The following PRKAG3 variants were observed in gnomAD, a reference collection of about 807,000 sequenced individuals.
PRKAG3 encodes protein kinase AMP-activated non-catalytic subunit gamma 3, also known as 5'-AMP-activated protein kinase subunit gamma-3.
A neutral mutation model predicts 56.5 loss-of-function variants in PRKAG3; 39 were observed. The ratio of observed to expected loss-of-function variants is 0.69; its 90% CI spans 0.53 to 0.90. The LOEUF (loss-of-function observed/expected upper bound fraction) is 0.90, where lower values mean the gene tolerates loss of function less well. Among genes scored for constraint, PRKAG3 ranks in the 40% least tolerant of loss-of-function variants. The pLI, the probability that PRKAG3 is intolerant of heterozygous loss-of-function variation, is 0.00. For missense variants in PRKAG3, 628 were observed against 627.5 expected, an observed-to-expected ratio of 1.00 and a Z score of -0.01; for synonymous variants, 243 against 250.1, an observed-to-expected ratio of 0.97 and a Z score of 0.27.
chr2:218,831,598 T>G, intron 1 of PRKAG3, 140 bp downstream of exon 1: 1 of 1,181,984 alleles, frequency 8.5e-7, no homozygotes, highest in Admixed American at 2.0e-5. Flanking sequence ...TGCCCAAACA[T>G]GCACATGCCC....
chr2:218,831,438 C>T, intron 1 of PRKAG3, 63 bp from the exon 2 acceptor site: 1 of 1,432,788 alleles, frequency 7.0e-7, no homozygotes, highest in East Asian at 2.4e-5. Flanking sequence ...ACCCCTTCTC[C>T]CTGAACACAC....
chr2:218,829,931 C>T (rs760278724), intron 4 of PRKAG3, 47 bp downstream of exon 4: 5 of 1,579,352 alleles, frequency 3.2e-6, no homozygotes, highest in Admixed American at 3.5e-5. Flanking sequence ...GCTGCAGCAC[C>T]GTGTGGATGG....
exon 3 of PRKAG3, chr2:218,830,818 G>A (rs768743452): frequency 7.4e-6 from 12 of 1,613,478 alleles, no homozygotes; most frequent in East Asian, 4.5e-5. Context: ...TTGGCCCTCC[G>A]TTTCCCACGG....
At position 218,827,912 on chromosome 2, in the gene PRKAG3, A is replaced by G; in HGVS notation, c.775-34T>C. 2 of 1,613,124 alleles carry G rather than the reference A, an allele frequency of 1.2e-6. No homozygotes were observed. The highest frequency in any genetic ancestry group is 8.5e-7 in the Non-Finnish European group (1 of 1,179,258). ...ATCGACAGGACTCCAGAAGTCAGAA[A>G]GACGTGGGCTTCTAGGGCACCAGGC... is the stretch of plus-strand genomic sequence containing the variant. On this transcript the variant is annotated intron_variant, in intron 6 of 12. Coordinates refer to ENST00000529249, the Ensembl canonical transcript of PRKAG3. This position sits in a 1 kb window ranked among gnomAD's most constrained non-coding sequence, Gnocchi z 5.3.
intron 5 of PRKAG3, among the ~76,000 whole-genome samples, 165 bp downstream of exon 5, chr2:218,828,354 C>T (rs940656627): frequency 6.6e-6 from 1 of 152,218 alleles, no homozygotes; most frequent in Non-Finnish European, 1.5e-5. Context: ...CAGGGTCTCC[C>T]AGCTGGCCAT....
intron 2 of PRKAG3, 112 bp downstream of exon 2, chr2:218,831,224 C>A: frequency 2.3e-6 from 2 of 854,404 alleles, no homozygotes; most frequent in Non-Finnish European, 3.6e-6. Flanking sequence ...GGAAGAAAGA[C>A]CAAAAGGAGG....
chr2:218,831,641 C>A (rs1944021149), intron 1 of PRKAG3, 97 bp downstream of exon 1: 4 of 1,475,782 alleles, frequency 2.7e-6, no homozygotes, highest in African/African-American at 1.4e-5. Context: ...CAAACACACA[C>A]CAGAAGACAC....
chr2:218,831,237 G>T, intron 2 of PRKAG3, 99 bp downstream of exon 2: 2 of 963,654 alleles, frequency 2.1e-6, no homozygotes, highest in Non-Finnish European at 3.1e-6. Context: ...AAAGGAGGAA[G>T]ATAAAAGCCA....
Position 218,827,679 on chromosome 2 carries a change from C to T in PRKAG3, c.821-50G>A, listed in dbSNP as rs1943955427. ...CAGGGGAGCCGGTCACCTGCCTCAC[C>T]TTGCAGTCCCAGGCAGCTTCCCTTC... is the stretch of plus-strand genomic sequence containing the variant. On this transcript the variant is annotated intron_variant, in intron 7 of 12. Transcript: ENST00000529249. This position sits in a 1 kb window ranked among gnomAD's most constrained non-coding sequence, Gnocchi z 5.3. The T allele has an allele frequency of 6.3e-7, 1 of 1,598,470 alleles. No homozygotes were observed. Among genetic ancestry groups the T allele is most frequent in the East Asian group, 2.2e-5 (1 of 44,788 alleles).
At chr2:218,823,870 C>T (rs1943889242) in exon 13 of PRKAG3, 8 of 1,613,988 alleles carry the variant, frequency 5.0e-6, no homozygotes, top group Non-Finnish European at 5.9e-6. Context: ...CTAGCACCAG[C>T]CTGTGTACCT....
intron 12 of PRKAG3, 142 bp from the exon 13 acceptor site, chr2:218,824,020 C>G (rs1304495856): frequency 8.3e-7 from 1 of 1,200,600 alleles, no homozygotes; most frequent in Non-Finnish European, 1.2e-6. Context: ...GATGGTGTGA[C>G]CGGCCTAAGG....
chr2:218,830,330 G>A (rs1458486152), exon 4 of PRKAG3: 2 of 1,610,706 alleles, frequency 1.2e-6, no homozygotes, highest in Admixed American at 3.3e-5. Flanking sequence ...TGTGGTCTTG[G>A]GGAATGTGGC....
At chr2:218,828,704 TC>T in intron 4 of PRKAG3, 104 bp from the exon 5 acceptor site, 1 of 991,106 alleles carries the variant, frequency 1.0e-6, no homozygotes, top group Non-Finnish European at 1.5e-6. Flanking sequence ...CCCCTCCCTG[TC>T]CCACCCAGGG....
intron 3 of PRKAG3, 129 bp from the exon 4 acceptor site, chr2:218,830,510 G>C: frequency 7.7e-7 from 1 of 1,299,492 alleles, no homozygotes; most frequent in African/African-American, 1.5e-5. Context: ...CAGGTGAGGG[G>C]CTGACCTGAG....
chr2:218,830,198 T>A, exon 4 of PRKAG3: 1 of 1,614,110 alleles, frequency 6.2e-7, no homozygotes, highest in Non-Finnish European at 8.5e-7. Flanking sequence ...GGCTGGGAAC[T>A]CCGTGGCCAG....
intron 10 of PRKAG3, among the ~76,000 whole-genome samples, chr2:218,826,026 T>C (rs949491294): frequency 2.6e-5 from 4 of 152,268 alleles, no homozygotes; most frequent in Admixed American, 6.5e-5. Context: ...CCCAAAGTGC[T>C]GGGATTACAG....
chr2:218,827,186 C>T lies in PRKAG3; in HGVS notation c.1002+61G>A, dbSNP rs1943945827. 1.2e-6 allele frequency: 2 copies of T among 1,613,520 alleles called. No homozygotes were observed. The highest frequency in any genetic ancestry group is 1.7e-4 in the Middle Eastern group (1 of 5,770). On this transcript the variant is annotated intron_variant, in intron 9 of 12. Coordinates refer to ENST00000529249, the Ensembl canonical transcript of PRKAG3. The surrounding 1 kb of genome is among the most constrained non-coding windows in gnomAD (Gnocchi z 5.3). ...CCACGACTGCTAGGGCTGAAGACTC[C>T]TCAGGCCCTCTGATCACCTGCCCAG...
exon 1 of PRKAG3, chr2:218,831,795 A>C: frequency 6.2e-7 from 1 of 1,605,066 alleles, no homozygotes; most frequent in South Asian, 1.1e-5. Flanking sequence ...ACCAACTGAG[A>C]GCAAGTGTGC....
exon 5 of PRKAG3, chr2:218,828,520 C>A (rs143694466): frequency 1.5e-5 from 24 of 1,612,992 alleles, no homozygotes; most frequent in East Asian, 2.2e-5. Context: ...TCTCCTCACC[C>A]ACAAAGCTCT....
Sources: gnomAD v4.1 joint callset for allele counts (sites outside exome capture counted in the v4.1 genomes callset) on GRCh38, gnomAD v4.1.1 for gene constraint, Gnocchi (gnomAD v3.1) non-coding constraint, MANE v1.5 for transcripts, NCBI Gene and HGNC (gene_info 2026-07-23, HGNC 2026-07-21) for gene names.